DENND1A: variants seen among roughly 807,000 people sequenced by gnomAD.
DENND1A encodes the protein DENN domain-containing protein 1A.
Under a neutral mutation model 113.7 loss-of-function variants are expected in DENND1A, and 51 were observed. The ratio of observed to expected loss-of-function variants is 0.45; its 90% confidence interval spans 0.36 to 0.57. DENND1A has a LOEUF of 0.57. DENND1A is among the 20% of genes least tolerant of loss of function. The pLI is 0.00. For missense variants in DENND1A, 1,258 were observed against 1,395.9 expected, an observed-to-expected ratio of 0.90 and a Z score of 1.57; for synonymous variants, 565 against 570.8, an observed-to-expected ratio of 0.99 and a Z score of 0.14.
chr9:123,802,890 C>T (rs1305590261), intron 2 of DENND1A, among the ~76,000 whole-genome samples: 2 of 152,054 alleles, frequency 1.3e-5, no homozygotes, highest in Admixed American at 6.5e-5. Context: ...TTAGTAGAGT[C>T]GGGGTTTCTC....
In DENND1A at chr9:123,440,397, C is replaced by T. The variant is rs764876964; in HGVS notation, c.1451G>A (p.Arg484Gln). 1.7e-5 allele frequency: 27 copies of T among 1,600,494 alleles called. No individual in the cohort carries two copies. The Admixed American group carries it at 2.4e-4, about 14-fold the overall frequency. ...PLVEAKDPKL[R>Q]EDRRPITVHF... Reference sequence around the variant, plus strand: ...GACTGTGATTGGCCGCCGGTCTTCTCGGAGCTTGGGGTCCTTGGCCTCCAC... The same window carrying T: ...GACTGTGATTGGCCGCCGGTCTTCTTGGAGCTTGGGGTCCTTGGCCTCCAC... The change falls in exon 19 of 24, where the codon CGA becomes CAA. Residue 484 changes from arginine to glutamine, a missense_variant. Transcript: ENST00000394215.
At chr9:123,583,826 T>C (rs10818846) in intron 11 of DENND1A, among the ~76,000 whole-genome samples, 19,975 of 152,212 alleles carry the variant, frequency 0.13, 1,404 homozygotes, top group African/African-American at 0.16. Flanking sequence ...AGATATCCAG[T>C]TAGTAATGGC....
rs2042647140 is a variant in DENND1A, at chr9:123,387,837, G to A, written c.1653C>T (p.His551=). Residue 551 remains histidine, a synonymous_variant, in exon 22 of 24, where the codon CAC becomes CAT. Transcript: ENST00000394215. ...SPEHLVKPLR[H]YAVFLSEDSS... is the part of the protein sequence containing the mutation. ...AGTCTTCGGAGAGGAAGACCGCATA[G>A]TGTCGCAAGGGCTTTACCAGGCTGG... 3.1e-6 allele frequency: 4 copies of A among 1,289,964 alleles called. No individual in the cohort carries two copies. The highest frequency in any genetic ancestry group is 2.1e-4 in the Middle Eastern group (1 of 4,720). 79.9% of individuals were successfully genotyped at this position (1,289,964 alleles called of 1,614,324 possible).
intron 2 of DENND1A, among the ~76,000 whole-genome samples, chr9:123,816,236 A>G (rs1837465566): frequency 6.6e-6 from 1 of 152,126 alleles, no homozygotes; most frequent in Non-Finnish European, 1.5e-5. Context: ...TCCTGGGTTC[A>G]AGTGATCTGC....
At chr9:123,508,597 A>C (rs1268839993) in intron 13 of DENND1A, among the ~76,000 whole-genome samples, 1 of 152,244 alleles carries the variant, frequency 6.6e-6, no homozygotes, top group African/African-American at 2.4e-5. Context: ...TAATTCGCTA[A>C]TTGCACATCT....
intron 13 of DENND1A, among the ~76,000 whole-genome samples, chr9:123,532,554 G>A (rs1470235867): frequency 6.6e-6 from 1 of 152,148 alleles, no homozygotes; most frequent in Non-Finnish European, 1.5e-5. Context: ...GTTAGTGAAA[G>A]CACTGTTAAT....
chr9:123,876,340 G>A (rs570350897), intron 2 of DENND1A, among the ~76,000 whole-genome samples: 2 of 152,238 alleles, frequency 1.3e-5, no homozygotes, highest in African/African-American at 2.4e-5. Flanking sequence ...TGCTGTAAAG[G>A]ACATGATATA....
chr9:123,385,669 G>A (rs530902445), intron 22 of DENND1A, among the ~76,000 whole-genome samples: 25 of 152,284 alleles, frequency 1.6e-4, no homozygotes, highest in African/African-American at 6.0e-4. Context: ...GTACTCTCTC[G>A]CTGAAGCAAT....
chr9:123,569,207 G>A (rs887608380), intron 12 of DENND1A, among the ~76,000 whole-genome samples: 3 of 152,110 alleles, frequency 2.0e-5, no homozygotes, highest in Admixed American at 6.6e-5. Context: ...AAAGAAATCC[G>A]TGTACAATAT....
intron 1 of DENND1A, among the ~76,000 whole-genome samples, chr9:123,879,576 A>AG (rs1848030563): frequency 1.3e-5 from 2 of 152,158 alleles, no homozygotes; most frequent in Middle Eastern, 3.4e-3. Flanking sequence ...ACACACACAA[A>AG]TTGTCTAGGC....
chr9:123,729,148 C>G (rs2067971292), intron 5 of DENND1A, among the ~76,000 whole-genome samples: 1 of 152,160 alleles, frequency 6.6e-6, no homozygotes, highest in Admixed American at 6.5e-5. Context: ...AACCCACAGC[C>G]ACTATCATGC....
At chr9:123,458,004 C>CTTT (rs71390436) in intron 13 of DENND1A, 107 bp from the exon 14 acceptor site, 923 of 566,274 alleles carry the variant, frequency 1.6e-3, no homozygotes, top group Middle Eastern at 2.5e-3. Flanking sequence ...TTTTCTTTTC[C>CTTT]TTTTTTTTTT....
At chr9:123,570,937 T>C (rs1301352045) in intron 12 of DENND1A, among the ~76,000 whole-genome samples, 2 of 152,112 alleles carry the variant, frequency 1.3e-5, no homozygotes, top group East Asian at 3.9e-4. Context: ...CGCCTTTAGA[T>C]CTAAAAGAAG....
chr9:123,559,879 CTTCT>C (rs966407151), intron 12 of DENND1A, among the ~76,000 whole-genome samples: 1 of 152,200 alleles, frequency 6.6e-6, no homozygotes, highest in African/African-American at 2.4e-5. Context: ...ACTCACCTTC[CTTCT>C]GTCTCTACAG....
chr9:123,538,807 TAC>T (rs59414517), intron 13 of DENND1A, among the ~76,000 whole-genome samples: 1,544 of 25,110 alleles, frequency 0.061, 183 homozygotes, highest in African/African-American at 0.1. Context: ...TGACAACTCA[TAC>T]ATATATATAT....
At chr9:123,719,862 T>C (rs2067223855) in intron 5 of DENND1A, among the ~76,000 whole-genome samples, 1 of 152,188 alleles carries the variant, frequency 6.6e-6, no homozygotes, top group African/African-American at 2.4e-5. Flanking sequence ...ATTTCCCACT[T>C]GTGGAGTCAT....
intron 11 of DENND1A, among the ~76,000 whole-genome samples, chr9:123,603,172 G>A (rs1228480060): frequency 2.6e-5 from 4 of 151,964 alleles, no homozygotes; most frequent in African/African-American, 7.2e-5. Context: ...AAAGAGAAAG[G>A]AACAAAGCAT....
At chr9:123,731,864 C>T (rs2068198654) in intron 5 of DENND1A, among the ~76,000 whole-genome samples, 1 of 152,180 alleles carries the variant, frequency 6.6e-6, no homozygotes, top group African/African-American at 2.4e-5. Context: ...TTAAAGAACA[C>T]TTGAAACTCA....
At chr9:123,863,817 A>G (rs938187923) in intron 2 of DENND1A, among the ~76,000 whole-genome samples, 1 of 152,200 alleles carries the variant, frequency 6.6e-6, no homozygotes, top group African/African-American at 2.4e-5. Flanking sequence ...AAGCTTAAAC[A>G]TGCTATGTCC....
Sources: allele counts gnomAD v4.1 joint callset (sites outside exome capture counted in the v4.1 genomes callset), GRCh38; gene constraint gnomAD v4.1.1; transcripts MANE v1.5; gene names NCBI Gene and HGNC (gene_info 2026-07-23, HGNC 2026-07-21).